IGF1R: variants seen among roughly 807,000 people sequenced by gnomAD.
IGF1R encodes insulin-like growth factor 1 receptor.
A neutral mutation model predicts 144.6 loss-of-function variants in IGF1R; 44 were observed. The ratio of observed to expected loss-of-function variants is 0.30; its 90% CI spans 0.24 to 0.39. IGF1R has a LOEUF of 0.39. Ranked by LOEUF, IGF1R falls within the 10% of genes least tolerant of loss-of-function variation. The pLI, the probability that IGF1R is intolerant of heterozygous loss-of-function variation, is 1.00. For synonymous variants in IGF1R, 795 were observed against 722.8 expected (o/e 1.10, Z -1.60); for missense variants, 1,355 against 1,833.7 (o/e 0.74, Z 4.77).
chr15:98,917,081 C>CT (rs2015287445), intron 10 of IGF1R: 2 of 640,908 alleles, frequency 3.1e-6, no homozygotes, highest in Non-Finnish European at 5.7e-6. Context: ...GGGACCAGGG[C>CT]TTGGGTTGCT....
intron 2 of IGF1R, among the ~76,000 whole-genome samples, chr15:98,876,544 A>C (rs1250041023): frequency 6.6e-6 from 1 of 152,216 alleles, no homozygotes; most frequent in Non-Finnish European, 1.5e-5. Flanking sequence ...ACCACCCACA[A>C]AAATAAAAAC....
chr15:98,797,121 T>G lies in IGF1R; in HGVS notation c.640+89014T>G, dbSNP rs567598645. Among the ~76,000 whole-genome samples, 7 of 152,366 alleles carry G rather than the reference T, an allele frequency of 4.6e-5. No individual in the cohort carries two copies. The South Asian group carries it at 1.4e-3, about 32-fold the overall frequency. ...AGAGTTACATTTCGTTGTTCCTGGC[T>G]TCTCTATGGATGACAGCAGCACTGA... On this transcript the variant is annotated intron_variant, in intron 2 of 20. Coordinates refer to ENST00000650285, the MANE Select transcript of IGF1R (RefSeq NM_000875.5).
chr15:98,734,259 A>AGG (rs1383377534), intron 2 of IGF1R, among the ~76,000 whole-genome samples: 6 of 152,214 alleles, frequency 3.9e-5, no homozygotes, highest in African/African-American at 1.4e-4. Flanking sequence ...CAGTAGTATT[A>AGG]ACCTGAAGCC....
At chr15:98,755,943 T>C (rs532397260) in intron 2 of IGF1R, among the ~76,000 whole-genome samples, 35 of 152,292 alleles carry the variant, frequency 2.3e-4, no homozygotes, top group Non-Finnish European at 4.0e-4. Flanking sequence ...CTTTTGCTTT[T>C]ATTTGGTGGT....
intron 5 of IGF1R, among the ~76,000 whole-genome samples, chr15:98,905,570 A>G (rs889475161): frequency 6.6e-6 from 1 of 151,804 alleles, no homozygotes; most frequent in African/African-American, 2.4e-5. Context: ...AGGCTGAGGT[A>G]GGAGGGTAGC....
intron 1 of IGF1R, 68 bp downstream of exon 1, chr15:98,649,743 C>T: frequency 6.4e-6 from 8 of 1,254,082 alleles, no homozygotes; most frequent in Non-Finnish European, 9.2e-6. Context: ...GCCCTGTTTG[C>T]GAAACCCGAG....
intron 2 of IGF1R, among the ~76,000 whole-genome samples, chr15:98,749,973 C>T (rs1415605209): frequency 6.6e-6 from 1 of 150,572 alleles, no homozygotes; most frequent in Non-Finnish European, 1.5e-5. Context: ...AAGATATTTG[C>T]TCGACTTCTA....
chr15:98,708,690 A>G (rs1215718021), intron 2 of IGF1R, among the ~76,000 whole-genome samples: 1 of 152,186 alleles, frequency 6.6e-6, no homozygotes, highest in Non-Finnish European at 1.5e-5. Flanking sequence ...CACCTGGCCC[A>G]GGTGGGAGAC....
intron 2 of IGF1R, among the ~76,000 whole-genome samples, chr15:98,775,279 T>A (rs1435946727): frequency 6.6e-6 from 1 of 152,164 alleles, no homozygotes; most frequent in African/African-American, 2.4e-5. Flanking sequence ...ATCTCTGTTT[T>A]AACAGTCACA....
chr15:98,766,895 T>C (rs1424634375), intron 2 of IGF1R, among the ~76,000 whole-genome samples: 1 of 152,226 alleles, frequency 6.6e-6, no homozygotes, highest in African/African-American at 2.4e-5. Context: ...AAGTCACAAA[T>C]TGATGTTTCT....
rs540961382 is a variant in IGF1R at position 98,963,191 on chromosome 15, T to C, written c.*5749T>C. On this transcript the variant is annotated 3_prime_UTR_variant, in exon 21 of 21. Coordinates refer to ENST00000650285, the MANE Select transcript of IGF1R (RefSeq NM_000875.5). ...AAGACACTTTTTTTTTCTCTGTGTG[T>C]GCAAATGTGTGTTTGTGATCCATTT... The C allele has an allele frequency of 1.3e-4, 30 of 230,392 alleles. No homozygotes were observed. The highest frequency in any genetic ancestry group is 5.2e-4 in the African/African-American group (23 of 44,094). 14.3% of individuals were successfully genotyped at this position (230,392 alleles called of 1,614,324 possible).
intron 1 of IGF1R, among the ~76,000 whole-genome samples, chr15:98,653,099 T>C (rs1265691797): frequency 6.6e-6 from 1 of 152,142 alleles, no homozygotes; most frequent in Non-Finnish European, 1.5e-5. Flanking sequence ...AAACTGATAA[T>C]TGAAGCTTAG....
At chr15:98,864,484 G>T (rs542953990) in intron 2 of IGF1R, among the ~76,000 whole-genome samples, 264 of 152,286 alleles carry the variant, frequency 1.7e-3, no homozygotes, top group Non-Finnish European at 2.8e-3. Flanking sequence ...AACCTCCCAG[G>T]TTTAAGTTAA....
chr15:98,803,907 C>T (rs1044353411), intron 2 of IGF1R, among the ~76,000 whole-genome samples: 4 of 152,176 alleles, frequency 2.6e-5, no homozygotes, highest in Non-Finnish European at 5.9e-5. Context: ...TTATCATTAT[C>T]ACATATTATG....
rs570947580 is a variant in IGF1R, at chr15:98,722,417, C to T, written c.640+14310C>T. On this transcript the variant is annotated intron_variant, in intron 2 of 20. Transcript: ENST00000650285. ...TGCCGAACACTGTATACAAGGCCCT[C>T]GACTCGTGAATGAGTTGTAATGCAA... Among the ~76,000 whole-genome samples the T allele has an allele frequency of 4.5e-4, 69 of 152,244 alleles. No individual in the cohort carries two copies. The Middle Eastern group carries it at 0.01, about 23-fold the overall frequency.
At chr15:98,812,654 G>A (rs190102786) in intron 2 of IGF1R, among the ~76,000 whole-genome samples, 1 of 151,912 alleles carries the variant, frequency 6.6e-6, no homozygotes, top group South Asian at 2.1e-4. Context: ...CACCGTGCCC[G>A]GCCAAAAAAG....
At chr15:98,844,733 C>T (rs1596352324) in intron 2 of IGF1R, among the ~76,000 whole-genome samples, 4 of 152,020 alleles carry the variant, frequency 2.6e-5, no homozygotes. Flanking sequence ...TAAATGCTCC[C>T]TTTTTCATAG....
intron 2 of IGF1R, among the ~76,000 whole-genome samples, chr15:98,875,345 TTTTC>T (rs1163427636): frequency 1.6e-4 from 21 of 131,624 alleles, no homozygotes; most frequent in Admixed American, 1.4e-3. Context: ...TTTTCTTTTC[TTTTC>T]TTTTTTTTTT....
At chr15:98,656,297 C>T (rs1250833465) in intron 1 of IGF1R, among the ~76,000 whole-genome samples, 2 of 152,214 alleles carry the variant, frequency 1.3e-5, no homozygotes, top group Admixed American at 1.3e-4. Context: ...TGCCTGTAAC[C>T]CCAGCACTTT....
Sources: gnomAD v4.1 joint callset for allele counts (sites outside exome capture counted in the v4.1 genomes callset) on GRCh38, gnomAD v4.1.1 for gene constraint, MANE v1.5 for transcripts, NCBI Gene and HGNC (gene_info 2026-07-23, HGNC 2026-07-21) for gene names.